The following CNTNAP2 variants were observed in gnomAD, a reference collection of about 807,000 sequenced individuals.
CNTNAP2 encodes contactin-associated protein-like 2.
CNTNAP2 carries 98 observed loss-of-function variants against 155.2 expected under a neutral mutation model. The observed-to-expected ratio is 0.63, with a 90% confidence interval of 0.54 to 0.75. The LOEUF is 0.75. CNTNAP2 is among the 30% of genes least tolerant of loss of function. CNTNAP2 has a pLI of 0.00. For synonymous variants in CNTNAP2, 651 were observed against 631.2 expected (o/e 1.03, Z -0.47); for missense variants, 1,727 against 1,688.1 (o/e 1.02, Z -0.40).
At chr7:147,118,866 A>G (rs140671967) in intron 5 of CNTNAP2, among the ~76,000 whole-genome samples, 80 of 152,354 alleles carry the variant, frequency 5.3e-4, no homozygotes, top group African/African-American at 1.9e-3. Context: ...TGGAAAACAT[A>G]TGAAAGAAAA....
chr7:147,334,064 A>T (rs1226483534), intron 9 of CNTNAP2, among the ~76,000 whole-genome samples: 17 of 152,100 alleles, frequency 1.1e-4, no homozygotes, highest in Admixed American at 1.1e-3. Context: ...TCCTGCTAGA[A>T]TCTCTGCATT....
Position 146,429,230 on chromosome 7 carries a change from T to C in CNTNAP2, c.97+312257T>C, listed in dbSNP as rs140945351. On this transcript the variant is annotated intron_variant, in intron 1 of 23. Transcript: ENST00000361727. ...CTATTTGGGCTCTTTCTTGGCACCA[T>C]ATGAATTTTAAAATATTTTTTTTTC... Among the ~76,000 whole-genome samples the C allele has an allele frequency of 3.2e-3, 479 of 149,306 alleles. 5 individuals carry two copies. Among genetic ancestry groups the C allele is most frequent in the African/African-American group, 0.012 (461 of 38,688 alleles).
At chr7:147,609,458 G>A (rs1303413518) in intron 12 of CNTNAP2, among the ~76,000 whole-genome samples, 1 of 152,078 alleles carries the variant, frequency 6.6e-6, no homozygotes, top group Non-Finnish European at 1.5e-5. Context: ...GTGAACCTGG[G>A]AGGCGGAACT....
intron 3 of CNTNAP2, among the ~76,000 whole-genome samples, chr7:146,991,245 ATCAT>A: frequency 6.6e-6 from 1 of 152,338 alleles, no homozygotes; most frequent in Admixed American, 6.5e-5. Flanking sequence ...AGTATTCTAA[ATCAT>A]TTAATTTAGA....
At chr7:147,041,547 A>G (rs1309720363) in intron 3 of CNTNAP2, among the ~76,000 whole-genome samples, 2 of 152,050 alleles carry the variant, frequency 1.3e-5, no homozygotes, top group South Asian at 2.1e-4. Context: ...CTGTCCTTCT[A>G]TGCAGCTGAG....
intron 17 of CNTNAP2, among the ~76,000 whole-genome samples, chr7:148,168,794 A>G (rs1174378515): frequency 2.0e-5 from 3 of 152,250 alleles, no homozygotes; most frequent in Non-Finnish European, 4.4e-5. Context: ...CTGAAGATCC[A>G]TGAAATACCA....
intron 17 of CNTNAP2, among the ~76,000 whole-genome samples, chr7:148,165,646 T>A (rs1183270292): frequency 6.6e-6 from 1 of 152,162 alleles, no homozygotes; most frequent in East Asian, 1.9e-4. Context: ...ATAAGGAGAC[T>A]GAGGCCCAAA....
At chr7:147,788,406 GT>G (rs1443540435) in intron 13 of CNTNAP2, among the ~76,000 whole-genome samples, 1 of 152,174 alleles carries the variant, frequency 6.6e-6, no homozygotes, top group Non-Finnish European at 1.5e-5. Context: ...ATGCTTGAAT[GT>G]TTGTTCTTAC....
chr7:148,311,430 T>A (rs1220764554), intron 21 of CNTNAP2, among the ~76,000 whole-genome samples: 4 of 147,228 alleles, frequency 2.7e-5, no homozygotes, highest in Non-Finnish European at 5.9e-5. Flanking sequence ...TGGGGAGAGG[T>A]AGAGGGTGGC....
rs189659151 is a variant in CNTNAP2 at position 146,857,993 on chromosome 7, T to C, written c.402+18089T>C. Among the ~76,000 whole-genome samples, 13 of 152,274 alleles carry C rather than the reference T, an allele frequency of 8.5e-5. No individual in the cohort carries two copies. In the East Asian group the frequency reaches 2.3e-3, roughly 27 times the overall value. On this transcript the variant is annotated intron_variant, in intron 3 of 23. Transcript: ENST00000361727. The stretch of plus-strand genomic sequence containing the variant: ...CAAAAGCACCAACAAGTCACACTTA[T>C]CAGAATAAGTTTGAAAGTGGAAAGA...
At chr7:147,833,259 C>T (rs559926709) in intron 13 of CNTNAP2, among the ~76,000 whole-genome samples, 94 of 151,814 alleles carry the variant, frequency 6.2e-4, no homozygotes, top group African/African-American at 2.1e-3. Context: ...TAGAAATTAG[C>T]GCCAATCTGG....
intron 4 of CNTNAP2, chr7:147,097,747 G>A (rs1419090840): frequency 6.6e-6 from 1 of 152,186 alleles, no homozygotes; most frequent in Non-Finnish European, 1.5e-5. Context: ...AGAAATTTTG[G>A]ATAGCTAAAG....
chr7:147,649,809 T>A (rs1257953887), intron 13 of CNTNAP2, among the ~76,000 whole-genome samples: 2 of 152,126 alleles, frequency 1.3e-5, no homozygotes, highest in East Asian at 3.9e-4. Context: ...TACTACTTAC[T>A]CTGCCATTCT....
chr7:146,963,778 A>G (rs1182313705), intron 3 of CNTNAP2, among the ~76,000 whole-genome samples: 1 of 152,224 alleles, frequency 6.6e-6, no homozygotes, highest in Non-Finnish European at 1.5e-5. Flanking sequence ...TCACTAAGCA[A>G]TTAAAGCATT....
chr7:148,355,324 C>T (rs1390268716), intron 21 of CNTNAP2, among the ~76,000 whole-genome samples: 1 of 151,636 alleles, frequency 6.6e-6, no homozygotes, highest in Non-Finnish European at 1.5e-5. Context: ...CCCCCAGCTG[C>T]TCTTTGTGGA....
intron 8 of CNTNAP2, among the ~76,000 whole-genome samples, chr7:147,216,035 G>C (rs1387561503): frequency 6.6e-6 from 1 of 151,240 alleles, no homozygotes; most frequent in Non-Finnish European, 1.5e-5. Flanking sequence ...TAAGTAATTT[G>C]TTTTCTTATT....
chr7:148,149,554 T>C (rs1372082209), intron 17 of CNTNAP2, among the ~76,000 whole-genome samples: 2 of 152,190 alleles, frequency 1.3e-5, no homozygotes, highest in South Asian at 2.1e-4. Flanking sequence ...TGTGCGTGTG[T>C]GTGTGTTTTG....
intron 5 of CNTNAP2, among the ~76,000 whole-genome samples, chr7:147,109,526 T>C (rs1304201339): frequency 2.0e-5 from 3 of 152,066 alleles, no homozygotes; most frequent in Non-Finnish European, 4.4e-5. Context: ...AAGACTAAAA[T>C]GGAGACTAAG....
intron 3 of CNTNAP2, among the ~76,000 whole-genome samples, chr7:146,996,956 G>A (rs141898826): frequency 5.9e-5 from 9 of 152,144 alleles, no homozygotes; most frequent in East Asian, 1.9e-4. Context: ...GGCTCCTTTC[G>A]CTTGGCTCTC....
Sources: gnomAD v4.1 joint callset for allele counts (sites outside exome capture counted in the v4.1 genomes callset) on GRCh38, gnomAD v4.1.1 for gene constraint, MANE v1.5 for transcripts, NCBI Gene and HGNC (gene_info 2026-07-23, HGNC 2026-07-21) for gene names.